SH3PXD2A: variants seen among roughly 807,000 people sequenced by gnomAD.
SH3PXD2A encodes SH3 and PX domains 2A.
A neutral mutation model predicts 115.2 loss-of-function variants in SH3PXD2A; 32 were observed. The observed-to-expected ratio is 0.28, with a 90% CI of 0.21 to 0.37. The LOEUF (loss-of-function observed/expected upper bound fraction) is 0.37, where lower values mean the gene tolerates loss of function less well. SH3PXD2A is among the 10% of genes least tolerant of loss of function. SH3PXD2A has a pLI of 1.00. For missense variants in SH3PXD2A, 1,328 were observed against 1,498.7 expected, an observed-to-expected ratio of 0.89 and a Z score of 1.88; for synonymous variants, 610 against 629.1, an observed-to-expected ratio of 0.97 and a Z score of 0.45.
chr10:103,803,229 T>C (rs923555342), intron 1 of SH3PXD2A, among the ~76,000 whole-genome samples: 19 of 152,086 alleles, frequency 1.2e-4, no homozygotes, highest in African/African-American at 3.9e-4. Flanking sequence ...CACCCAGAGA[T>C]GGGGCATTTA....
chr10:103,810,344 C>T (rs2039253791), intron 1 of SH3PXD2A, among the ~76,000 whole-genome samples: 1 of 152,204 alleles, frequency 6.6e-6, no homozygotes, highest in Admixed American at 6.5e-5. Flanking sequence ...AGCATCCAAC[C>T]TCCAGGCCCT....
intron 3 of SH3PXD2A, among the ~76,000 whole-genome samples, chr10:103,745,648 C>T (rs2038493418): frequency 6.6e-6 from 1 of 152,342 alleles, no homozygotes; most frequent in South Asian, 2.1e-4. Context: ...TGTCTCCTTG[C>T]TGGCCACGTG....
At chr10:103,607,914 GGTGCAAGAT>G (rs1174459337) in intron 13 of SH3PXD2A, among the ~76,000 whole-genome samples, 1 of 151,528 alleles carries the variant, frequency 6.6e-6, no homozygotes, top group East Asian at 1.9e-4. Flanking sequence ...GATTGAGGTC[GGTGCAAGAT>G]GTGCTTTGTT....
In SH3PXD2A at chr10:103,727,730, C is replaced by A. The variant is rs1044761928; in HGVS notation, c.307-3369G>T. On this transcript the variant is annotated intron_variant, in intron 4 of 14. Transcript: ENST00000369774. ...GCAGAGGACGCGTGGGCCACGAGGG[C>A]CTCAGACAAAGAGGCCTTTTGGTGG... 2.0e-5 allele frequency among the ~76,000 whole-genome samples: 3 copies of A among 152,240 alleles called. No individual in the cohort carries two copies. The East Asian group carries it at 5.8e-4, about 29-fold the overall frequency.
At chr10:103,641,354 T>C (rs569997426) in intron 8 of SH3PXD2A, among the ~76,000 whole-genome samples, 2 of 152,212 alleles carry the variant, frequency 1.3e-5, no homozygotes, top group African/African-American at 4.8e-5. Flanking sequence ...CTGAGGACCA[T>C]GTGTTCAGTA....
At chr10:103,763,326 C>A (rs1264160973) in intron 3 of SH3PXD2A, among the ~76,000 whole-genome samples, 2 of 152,218 alleles carry the variant, frequency 1.3e-5, no homozygotes, top group Non-Finnish European at 1.5e-5. Flanking sequence ...CACACTTGGG[C>A]AACAGAAATG....
At position 103,603,582 on chromosome 10, in the gene SH3PXD2A, C is replaced by T. The variant is rs755873630; in HGVS notation, c.1636G>A (p.Asp546Asn). The T allele has an allele frequency of 7.5e-6, 12 of 1,609,662 alleles. No homozygotes were observed. The East Asian group carries it at 2.0e-4, about 27-fold the overall frequency. Residue 546 changes from aspartate (D) to asparagine (N), a missense_variant, in exon 15 of 15, where the codon GAC (aspartate) becomes AAC (asparagine). By Grantham distance (23) the Asp-to-Asn change is conservative (BLOSUM62 1). Coordinates refer to ENST00000369774, the MANE Select transcript of SH3PXD2A (RefSeq NM_001394015.1). ...TCATACTTGAGCTTCCGCGGGGAGT[C>T]CTGGCTCTCACTGGCCCCCGTAGGG... ...EGPTGASESQ[D>N]SPRKLKYEEP...
intron 6 of SH3PXD2A, among the ~76,000 whole-genome samples, chr10:103,680,383 A>T (rs1446324681): frequency 1.3e-5 from 2 of 152,158 alleles, no homozygotes; most frequent in Admixed American, 6.5e-5. Context: ...CCTGGGCTCA[A>T]CAATCCTTCT....
intron 1 of SH3PXD2A, among the ~76,000 whole-genome samples, chr10:103,853,658 C>T (rs574097298): frequency 2.6e-5 from 4 of 152,318 alleles, no homozygotes; most frequent in South Asian, 4.1e-4. Flanking sequence ...TGGGCACCAT[C>T]GGTGGGAGCT....
intron 11 of SH3PXD2A, among the ~76,000 whole-genome samples, chr10:103,615,299 G>GTATTT (rs2036494451): frequency 1.3e-5 from 2 of 152,236 alleles, no homozygotes; most frequent in African/African-American, 4.8e-5. Flanking sequence ...GGCCCCGAGT[G>GTATTT]CTGTATTTGT....
intron 1 of SH3PXD2A, among the ~76,000 whole-genome samples, chr10:103,817,914 G>T (rs1020052563): frequency 1.3e-5 from 2 of 152,292 alleles, no homozygotes; most frequent in Middle Eastern, 6.8e-3. Context: ...GAGCTGTGGG[G>T]TGGGTGGGTG....
At chr10:103,700,866 C>G (rs2037884777) in intron 5 of SH3PXD2A, among the ~76,000 whole-genome samples, 1 of 152,136 alleles carries the variant, frequency 6.6e-6, no homozygotes, top group Non-Finnish European at 1.5e-5. Context: ...TGATGGGGTT[C>G]AACAATGAAG....
intron 5 of SH3PXD2A, among the ~76,000 whole-genome samples, chr10:103,711,567 C>T (rs114796213): frequency 0.024 from 3,714 of 152,258 alleles, 90 homozygotes; most frequent in African/African-American, 0.059. Context: ...AGGCAGACCT[C>T]GTCCCCGGGC....
chr10:103,777,278 C>T (rs558339271), intron 2 of SH3PXD2A, among the ~76,000 whole-genome samples: 6 of 152,390 alleles, frequency 3.9e-5, no homozygotes, highest in Non-Finnish European at 5.9e-5. Flanking sequence ...CAGGCTGCGT[C>T]CCTCATGCCA....
At chr10:103,844,522 T>C (rs1031773348) in intron 1 of SH3PXD2A, among the ~76,000 whole-genome samples, 1 of 152,216 alleles carries the variant, frequency 6.6e-6, no homozygotes, top group African/African-American at 2.4e-5. Context: ...AATCCCTATA[T>C]GCTCTGAACA....
At chr10:103,762,739 C>T (rs1327140923) in intron 3 of SH3PXD2A, among the ~76,000 whole-genome samples, 1 of 152,210 alleles carries the variant, frequency 6.6e-6, no homozygotes, top group Non-Finnish European at 1.5e-5. Flanking sequence ...AAAGCAGGTT[C>T]TAGCCCTGAT....
At chr10:103,760,654 A>C (rs527772804) in intron 3 of SH3PXD2A, among the ~76,000 whole-genome samples, 1 of 151,536 alleles carries the variant, frequency 6.6e-6, no homozygotes, top group South Asian at 2.1e-4. Context: ...TAAAATAAAT[A>C]TGTATATGTA....
intron 1 of SH3PXD2A, among the ~76,000 whole-genome samples, chr10:103,819,041 A>G (rs569891314): frequency 1.3e-5 from 2 of 152,334 alleles, no homozygotes; most frequent in East Asian, 3.9e-4. Flanking sequence ...TACAACGTCT[A>G]ATGACTTGGT....
intron 2 of SH3PXD2A, among the ~76,000 whole-genome samples, chr10:103,791,557 C>T (rs941831495): frequency 3.9e-5 from 6 of 152,130 alleles, no homozygotes; most frequent in South Asian, 2.1e-4. Flanking sequence ...GGCCCCGAGG[C>T]GGTGATTCTC....
Sources: gnomAD v4.1 joint callset for allele counts (sites outside exome capture counted in the v4.1 genomes callset) on GRCh38, gnomAD v4.1.1 for gene constraint, MANE v1.5 for transcripts, NCBI Gene and HGNC (gene_info 2026-07-23, HGNC 2026-07-21) for gene names.